The following SUSD4 variants were observed in gnomAD, a reference collection of about 807,000 sequenced individuals.
SUSD4 encodes the protein sushi domain containing 4.
SUSD4 carries 41 observed loss-of-function variants against 50.5 expected under a neutral mutation model. The observed-to-expected ratio is 0.81, with a 90% CI of 0.63 to 1.05. SUSD4 has a LOEUF of 1.05. Ranked by LOEUF, SUSD4 falls within the 50% of genes least tolerant of loss-of-function variation. The pLI is 0.00. For synonymous variants in SUSD4, 257 were observed against 257.3 expected (o/e 1.00, Z 0.01); for missense variants, 580 against 634.7 (o/e 0.91, Z 0.93).
intron 2 of SUSD4, 148 bp downstream of exon 2, chr1:223,363,130 C>T (rs1365745208): frequency 1.0e-6 from 1 of 986,288 alleles, no homozygotes; most frequent in Non-Finnish European, 1.4e-6. Context: ...GAAGGGCGGC[C>T]ATAGGCTGGG....
Position 223,363,336 on chromosome 1 carries a change from C to A in SUSD4, c.90G>T (p.Leu30Phe). ...QQQPQSPQRL[L>F]AVILWFQLAL... Reference sequence around the variant, plus strand: ...CCAGCTGAAACCACAGGATCACGGCCAAGAGTCTCTGGGGGGACTGAGGTT... The same window carrying A: ...CCAGCTGAAACCACAGGATCACGGCAAAGAGTCTCTGGGGGGACTGAGGTT... The change falls in exon 2 of 9, where the codon TTG (leucine) becomes TTT (phenylalanine). Residue 30 changes from leucine (L) to phenylalanine (F), a missense_variant. Coordinates refer to ENST00000366878, the MANE Select transcript of SUSD4 (RefSeq NM_017982.4). The A allele has an allele frequency of 1.9e-6, 3 of 1,610,500 alleles. No homozygotes were observed. The highest frequency in any genetic ancestry group is 2.2e-5 in the South Asian group (2 of 89,954).
chr1:223,228,972 C>A (rs976995356), intron 6 of SUSD4, among the ~76,000 whole-genome samples: 4 of 151,864 alleles, frequency 2.6e-5, no homozygotes, highest in Non-Finnish European at 4.4e-5. Flanking sequence ...CATGGAAGGA[C>A]CTCCAGCAGA....
In SUSD4 at chr1:223,268,013, T is replaced by TATATATATATATATATATATATATA. The variant is rs1553291074; in HGVS notation, c.535+488_535+489insTATATATATATATATATATATATAT. Among the ~76,000 whole-genome samples the TATATATATATATATATATATATATA allele has an allele frequency of 1.2e-3, 64 of 53,232 alleles. 6 individuals carry two copies. The highest frequency in any genetic ancestry group is 1.7e-3 in the African/African-American group (15 of 8,728). The allele number at this position is 53,232 out of a possible 152,430, so 34.9% of individuals were successfully genotyped here. ...AATTTTTCTGCTCTTCATGCATTTT[T>TATATATATATATATATATATATATA]TATATATATATATATATATATATAT... On this transcript the variant is annotated intron_variant, in intron 4 of 8. Transcript: ENST00000366878.
At chr1:223,291,432 T>C (rs1664479940) in intron 3 of SUSD4, among the ~76,000 whole-genome samples, 1 of 127,814 alleles carries the variant, frequency 7.8e-6, no homozygotes, top group African/African-American at 3.2e-5. Flanking sequence ...GAGGTTGCAG[T>C]GAGCCAAGAT....
chr1:223,244,823 T>G (rs1037070822), intron 5 of SUSD4, among the ~76,000 whole-genome samples: 1 of 152,184 alleles, frequency 6.6e-6, no homozygotes, highest in Admixed American at 6.5e-5. Context: ...CAGACTGATT[T>G]CAAGATAAGA....
chr1:223,228,938 TA>T (rs1190714516), intron 6 of SUSD4, among the ~76,000 whole-genome samples: 1 of 151,700 alleles, frequency 6.6e-6, no homozygotes, highest in Non-Finnish European at 1.5e-5. Context: ...ACCCTCTGAA[TA>T]GGGTCCCTAG....
chr1:223,301,423 A>G (rs960729471), intron 2 of SUSD4, among the ~76,000 whole-genome samples: 2 of 152,238 alleles, frequency 1.3e-5, no homozygotes, highest in Non-Finnish European at 2.9e-5. Context: ...TGGAGAGAAC[A>G]CAACCTAAGC....
At chr1:223,304,711 G>A (rs1395609524) in intron 2 of SUSD4, among the ~76,000 whole-genome samples, 1 of 147,404 alleles carries the variant, frequency 6.8e-6, no homozygotes, top group Non-Finnish European at 1.5e-5. Flanking sequence ...GAGTGAGAAT[G>A]TATACTTTGA....
chr1:223,234,037 G>A (rs1457105232), intron 5 of SUSD4, among the ~76,000 whole-genome samples: 2 of 152,120 alleles, frequency 1.3e-5, no homozygotes. Context: ...AGACTAGCTG[G>A]AAAATTCCTA....
At chr1:223,290,341 A>C (rs967490919) in intron 3 of SUSD4, among the ~76,000 whole-genome samples, 7 of 152,222 alleles carry the variant, frequency 4.6e-5, no homozygotes, top group African/African-American at 1.7e-4. Context: ...ACATAGAATA[A>C]AGAAAGCCTA....
chr1:223,333,083 A>T (rs1293076037), intron 2 of SUSD4, among the ~76,000 whole-genome samples: 1 of 152,150 alleles, frequency 6.6e-6, no homozygotes. Flanking sequence ...ACAGCCCAGC[A>T]TGGCCTTTCT....
At chr1:223,310,436 CTA>C in intron 2 of SUSD4, among the ~76,000 whole-genome samples, 1 of 152,272 alleles carries the variant, frequency 6.6e-6, no homozygotes, top group Admixed American at 6.5e-5. Flanking sequence ...ACCATTGAAA[CTA>C]TGTTTTTGAA....
chr1:223,253,599 C>T (rs950118848), intron 5 of SUSD4, among the ~76,000 whole-genome samples: 1 of 151,952 alleles, frequency 6.6e-6, no homozygotes, highest in African/African-American at 2.4e-5. Flanking sequence ...AACACCCTGC[C>T]GAATATTGCC....
At chr1:223,322,484 G>A (rs761849111) in intron 2 of SUSD4, among the ~76,000 whole-genome samples, 25 of 152,186 alleles carry the variant, frequency 1.6e-4, no homozygotes, top group Non-Finnish European at 2.8e-4. Flanking sequence ...TTAGGACATT[G>A]TGCCAGGTGC....
chr1:223,359,962 G>A (rs1416178853), intron 2 of SUSD4, among the ~76,000 whole-genome samples: 1 of 152,146 alleles, frequency 6.6e-6, no homozygotes, highest in Non-Finnish European at 1.5e-5. Flanking sequence ...TTTATTGAAT[G>A]AATAAAGCAA....
intron 2 of SUSD4, among the ~76,000 whole-genome samples, chr1:223,335,181 T>C (rs1437180850): frequency 6.6e-6 from 1 of 152,214 alleles, no homozygotes; most frequent in Non-Finnish European, 1.5e-5. Flanking sequence ...GCTATAAACA[T>C]GTGTATGCAA....
At chr1:223,362,971 C>T (rs1390500012) in intron 2 of SUSD4, among the ~76,000 whole-genome samples, 1 of 127,822 alleles carries the variant, frequency 7.8e-6, no homozygotes, top group East Asian at 2.8e-4. Flanking sequence ...GCTTCCTTGG[C>T]CAAAGTGGGA....
At chr1:223,303,428 G>A (rs1665314754) in intron 2 of SUSD4, among the ~76,000 whole-genome samples, 2 of 152,242 alleles carry the variant, frequency 1.3e-5, no homozygotes, top group African/African-American at 4.8e-5. Flanking sequence ...ATGGGAACCT[G>A]AGTCTTCCAA....
At position 223,292,651 on chromosome 1, in the gene SUSD4, C is replaced by T; in HGVS notation, c.149G>A (p.Gly50Glu). 2 of 1,613,494 alleles carry T rather than the reference C, an allele frequency of 1.2e-6. No homozygotes were observed. The highest frequency in any genetic ancestry group is 1.3e-5 in the African/African-American group (1 of 74,968). Residue 50 changes from glycine (G) to glutamate (E), a missense_variant and splice_region_variant, in exon 3 of 9, where the codon GGG (glycine) becomes GAG (glutamate). Gly to Glu is a moderately conservative substitution (Grantham distance 98). Coordinates refer to ENST00000366878, the MANE Select transcript of SUSD4 (RefSeq NM_017982.4). ...AGCACACACTTGAAGGTCATCGAACCCTACATCAACAAAGAGAGGAAAAGG... is the reference window on the plus strand; with the variant it reads ...AGCACACACTTGAAGGTCATCGAACTCTACATCAACAAAGAGAGGAAAAGG... ...LCFGPAQLTG[G>E]FDDLQVCADP...
Sources: allele counts gnomAD v4.1 joint callset (sites outside exome capture counted in the v4.1 genomes callset), GRCh38; gene constraint gnomAD v4.1.1; transcripts MANE v1.5; gene names NCBI Gene and HGNC (gene_info 2026-07-23, HGNC 2026-07-21).